Variants in PAK5 observed in about 807,000 individuals in gnomAD.
PAK5 encodes the protein p21 (RAC1) activated kinase 5, also known as serine/threonine-protein kinase PAK 5.
Under a neutral mutation model 65.9 loss-of-function variants are expected in PAK5, and 16 were observed. The observed-to-expected ratio is 0.24, with a 90% CI of 0.16 to 0.37. The LOEUF (loss-of-function observed/expected upper bound fraction) is 0.37, where lower values mean the gene tolerates loss of function less well. Among genes scored for constraint, PAK5 ranks in the 10% least tolerant of loss-of-function variants. The pLI, the probability that PAK5 is intolerant of heterozygous loss-of-function variation, is 1.00. For synonymous variants in PAK5, 371 were observed against 354.9 expected (o/e 1.05, Z -0.51); for missense variants, 785 against 903.9 (o/e 0.87, Z 1.69).
intron 1 of PAK5, among the ~76,000 whole-genome samples, chr20:9,766,047 C>A (rs1405741250): frequency 6.6e-6 from 1 of 151,830 alleles, no homozygotes; most frequent in East Asian, 1.9e-4. Context: ...AATGGTGAAA[C>A]CCCGTTTCTA....
At chr20:9,822,027 G>A (rs574928551) in intron 1 of PAK5, among the ~76,000 whole-genome samples, 2 of 152,078 alleles carry the variant, frequency 1.3e-5, no homozygotes, top group Non-Finnish European at 2.9e-5. Flanking sequence ...GGTGGCTTAC[G>A]CCTATAATCC....
chr20:9,675,568 C>A (rs1600228676), intron 2 of PAK5, among the ~76,000 whole-genome samples: 1 of 152,048 alleles, frequency 6.6e-6, no homozygotes, highest in Non-Finnish European at 1.5e-5. Context: ...GTCTTGAGCT[C>A]CCAGGCTCAA....
intron 7 of PAK5, among the ~76,000 whole-genome samples, chr20:9,545,669 T>A (rs2045333425): frequency 6.6e-6 from 1 of 152,160 alleles, no homozygotes. Context: ...TCTTCTTAGA[T>A]TCTCTTACTG....
intron 1 of PAK5, among the ~76,000 whole-genome samples, chr20:9,757,245 A>G (rs73600261): frequency 0.18 from 26,637 of 152,136 alleles, 2,664 homozygotes; most frequent in East Asian, 0.28. Flanking sequence ...AAACTATTAC[A>G]TATATTCCAC....
intron 1 of PAK5, among the ~76,000 whole-genome samples, chr20:9,718,157 T>G (rs1445396961): frequency 1.3e-5 from 2 of 152,052 alleles, no homozygotes; most frequent in East Asian, 3.9e-4. Context: ...ACCATAGAAT[T>G]TTAGAGTTTA....
chr20:9,550,769 C>G (rs1302847419), intron 7 of PAK5, among the ~76,000 whole-genome samples: 1 of 121,122 alleles, frequency 8.3e-6, no homozygotes, highest in Non-Finnish European at 1.7e-5. Flanking sequence ...TGTTTATTTC[C>G]AAAACTAGGG....
intron 1 of PAK5, among the ~76,000 whole-genome samples, chr20:9,713,241 T>C (rs1251696977): frequency 6.6e-6 from 1 of 151,794 alleles, no homozygotes; most frequent in African/African-American, 2.4e-5. Flanking sequence ...CATACAAATG[T>C]CCAACAGGTG....
intron 3 of PAK5, among the ~76,000 whole-genome samples, chr20:9,642,495 A>G (rs2047082637): frequency 6.6e-6 from 1 of 152,192 alleles, no homozygotes; most frequent in African/African-American, 2.4e-5. Flanking sequence ...TAAATAGTAG[A>G]AGACTTTTCA....
intron 6 of PAK5, 45 bp from the exon 7 acceptor site, chr20:9,557,779 A>G (rs1190963930): frequency 6.5e-7 from 1 of 1,541,948 alleles, no homozygotes; most frequent in Admixed American, 1.7e-5. Flanking sequence ...GTTTAAGAAC[A>G]TCTTTGAAAT....
intron 1 of PAK5, among the ~76,000 whole-genome samples, chr20:9,802,549 T>G (rs2049181606): frequency 6.6e-6 from 1 of 152,108 alleles, no homozygotes. Context: ...TAAAGAGACT[T>G]GCTGCATACA....
intron 6 of PAK5, 30 bp downstream of exon 6, chr20:9,562,861 T>G (rs745359945): frequency 1.3e-6 from 2 of 1,599,242 alleles, no homozygotes. Flanking sequence ...AAGAAGCACC[T>G]CGAATTCTCT....
At chr20:9,618,932 T>TG (rs2046719587) in intron 3 of PAK5, among the ~76,000 whole-genome samples, 1 of 116,984 alleles carries the variant, frequency 8.5e-6, no homozygotes, top group African/African-American at 3.3e-5. Context: ...TTTTTTTTTT[T>TG]TTTTTTTTTT....
At chr20:9,732,172 C>T (rs2048341327) in intron 1 of PAK5, among the ~76,000 whole-genome samples, 2 of 145,042 alleles carry the variant, frequency 1.4e-5, no homozygotes, top group Admixed American at 1.4e-4. Context: ...GGAAAAAACT[C>T]ACTCTTCTGA....
At chr20:9,755,652 T>C (rs1268117846) in intron 1 of PAK5, among the ~76,000 whole-genome samples, 2 of 152,174 alleles carry the variant, frequency 1.3e-5, no homozygotes, top group Non-Finnish European at 2.9e-5. Flanking sequence ...ACAACCCTCC[T>C]AACTAGACAG....
At position 9,566,328 on chromosome 20, in the gene PAK5, G is replaced by A. The variant is rs2123001739; in HGVS notation, c.1047C>T (p.Thr349=). ...GTAGTTTGGCAGGGCCCCTGGGGTA[G>A]GTGTCAGACCCTGACAGTGGAGGGC... ...VLSPPLSGSD[T]YPRGPAKLPQ... The change falls in exon 5 of 10, where the codon ACC becomes ACT. Residue 349 remains threonine (T), a synonymous_variant. Coordinates refer to ENST00000353224, the MANE Select transcript of PAK5 (RefSeq NM_177990.4). The A allele has an allele frequency of 2.5e-6, 4 of 1,613,486 alleles. No individual in the cohort carries two copies. The highest frequency in any genetic ancestry group is 3.4e-6 in the Non-Finnish European group (4 of 1,179,660).
At chr20:9,661,633 C>A (rs572917563) in intron 2 of PAK5, among the ~76,000 whole-genome samples, 164 of 152,220 alleles carry the variant, frequency 1.1e-3, no homozygotes, top group African/African-American at 3.6e-3. Flanking sequence ...ACTGGTCTTA[C>A]CAGGATACAA....
At chr20:9,663,467 A>G (rs2047373279) in intron 2 of PAK5, among the ~76,000 whole-genome samples, 1 of 152,188 alleles carries the variant, frequency 6.6e-6, no homozygotes, top group African/African-American at 2.4e-5. Context: ...TGAAATTCAA[A>G]TCTTTGAAAA....
At chr20:9,778,803 T>A (rs2048912330) in intron 1 of PAK5, among the ~76,000 whole-genome samples, 1 of 152,184 alleles carries the variant, frequency 6.6e-6, no homozygotes, top group African/African-American at 2.4e-5. Flanking sequence ...TCAGTATACA[T>A]GCATAGTTTA....
At chr20:9,705,692 A>G (rs573080882) in intron 2 of PAK5, among the ~76,000 whole-genome samples, 17 of 152,240 alleles carry the variant, frequency 1.1e-4, no homozygotes, top group Middle Eastern at 3.4e-3. Context: ...TTCTACATAT[A>G]CTTCCTTGAA....
Sources: gnomAD v4.1 joint callset for allele counts (sites outside exome capture counted in the v4.1 genomes callset) on GRCh38, gnomAD v4.1.1 for gene constraint, MANE v1.5 for transcripts, NCBI Gene and HGNC (gene_info 2026-07-23, HGNC 2026-07-21) for gene names.